Variants in MEI4 observed in about 807,000 individuals in gnomAD.
MEI4 encodes the protein meiosis-specific protein MEI4.
MEI4 carries 27 observed loss-of-function variants against 31.4 expected under a neutral mutation model. The ratio of observed to expected loss-of-function variants is 0.86; its 90% CI spans 0.63 to 1.19. The LOEUF is 1.19. Among genes scored for constraint, MEI4 ranks in the 50% most tolerant of loss-of-function variants. MEI4 has a pLI of 0.00. For missense variants in MEI4, 329 were observed against 398.9 expected (o/e 0.82, Z 1.49); for synonymous variants, 122 against 145.4 (o/e 0.84, Z 1.16).
chr6:77,691,015 C>T, intron 2 of MEI4, 112 bp downstream of exon 2: 1 of 481,244 alleles, frequency 2.1e-6, no homozygotes, highest in Non-Finnish European at 3.3e-6. Context: ...TCCATGAAAG[C>T]TCGACATCTT....
intron 2 of MEI4, among the ~76,000 whole-genome samples, chr6:77,747,995 A>T (rs1051703499): frequency 6.6e-6 from 1 of 152,236 alleles, no homozygotes; most frequent in African/African-American, 2.4e-5. Flanking sequence ...AAGGGCTGAA[A>T]TGATCTCCTT....
chr6:77,911,462 AC>A (rs1184436552), intron 4 of MEI4, among the ~76,000 whole-genome samples: 21 of 151,458 alleles, frequency 1.4e-4, no homozygotes, highest in African/African-American at 4.9e-4. Flanking sequence ...CCTCCTTCTG[AC>A]CCTACCTGCT....
intron 4 of MEI4, among the ~76,000 whole-genome samples, chr6:77,908,849 A>T (rs1439950371): frequency 6.6e-6 from 1 of 152,070 alleles, no homozygotes. Context: ...GATTCATAAA[A>T]CAAGTCCTTA....
At chr6:77,652,660 C>T (rs917461702), upstream of MEI4, among the ~76,000 whole-genome samples, 2 of 152,008 alleles carry the variant, frequency 1.3e-5, no homozygotes. Context: ...TTGAGGAGAC[C>T]GTTATCCAGT....
At chr6:77,790,153 G>A (rs1271090717) in intron 3 of MEI4, among the ~76,000 whole-genome samples, 1 of 150,366 alleles carries the variant, frequency 6.7e-6, no homozygotes. Flanking sequence ...AGTATCACAA[G>A]TACAAAAGCA....
intron 2 of MEI4, among the ~76,000 whole-genome samples, chr6:77,743,265 C>T (rs1446290363): frequency 2.6e-5 from 4 of 152,060 alleles, no homozygotes; most frequent in Non-Finnish European, 5.9e-5. Flanking sequence ...ATGGAATGTT[C>T]TTCCATTTGT....
intron 2 of MEI4, among the ~76,000 whole-genome samples, chr6:77,743,156 AG>A (rs1265258981): frequency 1.3e-5 from 2 of 152,192 alleles, no homozygotes; most frequent in African/African-American, 4.8e-5. Flanking sequence ...AACTCTGTGA[AG>A]AAAGTCATTG....
chr6:77,784,833 G>A (rs1768691335), intron 3 of MEI4, among the ~76,000 whole-genome samples: 1 of 151,974 alleles, frequency 6.6e-6, no homozygotes, highest in African/African-American at 2.4e-5. Context: ...AATATAATTG[G>A]CCATCTGAGT....
intron 3 of MEI4, among the ~76,000 whole-genome samples, chr6:77,783,238 G>T (rs1003243581): frequency 6.6e-6 from 1 of 152,174 alleles, no homozygotes; most frequent in African/African-American, 2.4e-5. Context: ...ATCCTGGGAT[G>T]CAGGTGAGCA....
rs1769144470 is a variant in MEI4, at chr6:77,690,841, A to C, written c.170A>C (p.Glu57Ala). 8.1e-7 allele frequency: 1 copy of C among 1,231,514 alleles called. No homozygotes were observed. The highest frequency in any genetic ancestry group is 1.0e-6 in the Non-Finnish European group (1 of 987,412). The allele number at this position is 1,231,514 out of a possible 1,614,324, so 76.3% of individuals were successfully genotyped here. ...TCAAAAGTTGAAATCTTGGAAGCTG[A>C]AGTTATGCAATTACGTCAAAAACTT... ...WRSKVEILEA[E>A]VMQLRQKLLV... is the part of the protein sequence containing the mutation. Residue 57 changes from glutamate to alanine, a missense_variant, in exon 2 of 5, where the codon GAA becomes GCA. By Grantham distance (107) the Glu-to-Ala change is moderately radical. Transcript: ENST00000684080.
At chr6:77,886,704 A>G (rs1260671244) in intron 4 of MEI4, among the ~76,000 whole-genome samples, 2 of 152,190 alleles carry the variant, frequency 1.3e-5, no homozygotes, top group Non-Finnish European at 2.9e-5. Context: ...AAGTGCTGGG[A>G]TTACAGACAT....
Position 77,761,411 on chromosome 6 carries a change from G to A in MEI4, c.514G>A (p.Asp172Asn). 1 of 1,232,102 alleles carries A rather than the reference G, an allele frequency of 8.1e-7. No homozygotes were observed. Among genetic ancestry groups the A allele is most frequent in the Non-Finnish European group, 1.0e-6 (1 of 987,936 alleles). The allele number at this position is 1,232,102 out of a possible 1,614,324, so 76.3% of individuals were successfully genotyped here. A position where few individuals can be genotyped will look rare whatever the true frequency, so the allele number is the denominator to read the frequency against. ...NLTESGNLKRDLTHFEKDSST... is the reference protein window; with the variant it reads ...NLTESGNLKRNLTHFEKDSST... ...GACAGAATCAGGTAATCTTAAAAGAGACTTAACCCACTTTGAAAAAGACTC... is the reference window on the plus strand; with the variant it reads ...GACAGAATCAGGTAATCTTAAAAGAAACTTAACCCACTTTGAAAAAGACTC... The change falls in exon 3 of 5, where the codon GAC becomes AAC. Residue 172 changes from aspartate to asparagine, a missense_variant. By Grantham distance (23) the Asp-to-Asn change is conservative. Coordinates refer to ENST00000684080, the MANE Select transcript of MEI4 (RefSeq NM_001322247.2).
At chr6:77,665,211 G>A (rs944974369) in intron 1 of MEI4, among the ~76,000 whole-genome samples, 2 of 151,850 alleles carry the variant, frequency 1.3e-5, no homozygotes, top group Admixed American at 6.6e-5. Flanking sequence ...ATAAGGGGTC[G>A]GGACATGGAA....
intron 4 of MEI4, among the ~76,000 whole-genome samples, chr6:77,831,507 T>TTATATATA (rs71546073): frequency 6.8e-6 from 1 of 147,468 alleles, no homozygotes; most frequent in Non-Finnish European, 1.5e-5. Context: ...AAAGATAATT[T>TTATATATA]TATATATATA....
chr6:77,700,543 C>A (rs533363048), intron 2 of MEI4, among the ~76,000 whole-genome samples: 1 of 152,204 alleles, frequency 6.6e-6, no homozygotes, highest in Non-Finnish European at 1.5e-5. Context: ...TTGCGCTTCC[C>A]GAGTGAGGCA....
intron 4 of MEI4, among the ~76,000 whole-genome samples, chr6:77,909,819 G>A (rs1766389749): frequency 6.6e-6 from 1 of 152,088 alleles, no homozygotes; most frequent in East Asian, 1.9e-4. Context: ...ATAAAATACT[G>A]GCAAACCGAA....
At position 77,800,422 on chromosome 6, in the gene MEI4, A is replaced by G. The variant is rs541650510; in HGVS notation, c.769-28509A>G. 2.6e-4 allele frequency among the ~76,000 whole-genome samples: 39 copies of G among 152,316 alleles called. No homozygotes were observed. The East Asian group carries it at 6.8e-3, about 26-fold the overall frequency. On this transcript the variant is annotated intron_variant, in intron 3 of 4. Coordinates refer to ENST00000684080, the MANE Select transcript of MEI4 (RefSeq NM_001322247.2). ...TGAGACAATGGGGTTTTCTAGATAT[A>G]CAATCAAGTCATCTGCAAACAGGGA...
chr6:77,740,810 T>A (rs1166267261), intron 2 of MEI4, among the ~76,000 whole-genome samples: 1 of 151,662 alleles, frequency 6.6e-6, no homozygotes, highest in Non-Finnish European at 1.5e-5. Flanking sequence ...ACATATATAT[T>A]TTGAAAAAAA....
intron 2 of MEI4, among the ~76,000 whole-genome samples, chr6:77,744,995 G>T (rs1408593623): frequency 6.6e-6 from 1 of 152,134 alleles, no homozygotes; most frequent in African/African-American, 2.4e-5. Flanking sequence ...GGAACAACCG[G>T]TACCAGCCAC....
Sources: gnomAD v4.1 joint callset for allele counts (sites outside exome capture counted in the v4.1 genomes callset) on GRCh38, gnomAD v4.1.1 for gene constraint, MANE v1.5 for transcripts, NCBI Gene and HGNC (gene_info 2026-07-23, HGNC 2026-07-21) for gene names.